Variants in CLEC16A observed in about 807,000 individuals in gnomAD.
CLEC16A encodes protein CLEC16A.
Under a neutral mutation model 109.5 loss-of-function variants are expected in CLEC16A, and 51 were observed. The observed-to-expected ratio is 0.47, with a 90% CI of 0.37 to 0.59. The LOEUF is 0.59. CLEC16A is among the 20% of genes least tolerant of loss of function. CLEC16A has a pLI of 0.00. For missense variants in CLEC16A, 1,339 were observed against 1,394.0 expected (o/e 0.96, Z 0.63); for synonymous variants, 673 against 564.2 (o/e 1.19, Z -2.73).
At position 11,047,346 on chromosome 16, in the gene CLEC16A, A is replaced by C; in HGVS notation, c.1866+4A>C. 6.2e-7 allele frequency: 1 copy of C among 1,606,334 alleles called. No homozygotes were observed. The highest frequency in any genetic ancestry group is 8.5e-7 in the Non-Finnish European group (1 of 1,176,544). ...AGATGAGTATAGGAGCATGACAGTA[A>C]GTGAGGGGCTGGGACACACTTGGGC... is the stretch of plus-strand genomic sequence containing the variant. On this transcript the variant is annotated splice_donor_region_variant and intron_variant, in intron 17 of 23. Coordinates refer to ENST00000409790, the MANE Select transcript of CLEC16A (RefSeq NM_015226.3).
At chr16:10,986,403 T>C (rs935419819) in intron 10 of CLEC16A, among the ~76,000 whole-genome samples, 1 of 152,184 alleles carries the variant, frequency 6.6e-6, no homozygotes, top group Non-Finnish European at 1.5e-5. Context: ...TTAACATTAT[T>C]GTTGAGTGTA....
intron 23 of CLEC16A, among the ~76,000 whole-genome samples, chr16:11,167,039 G>A (rs989653998): frequency 6.6e-6 from 1 of 152,168 alleles, no homozygotes; most frequent in Non-Finnish European, 1.5e-5. Context: ...ATGTGATGAA[G>A]TCGTATCTTG....
intron 14 of CLEC16A, chr16:11,041,158 CTA>C (rs1486348894): frequency 6.6e-6 from 1 of 152,262 alleles, no homozygotes; most frequent in Non-Finnish European, 1.5e-5. Context: ...CACTACCCAG[CTA>C]TGAGACCTAG....
intron 18 of CLEC16A, chr16:11,056,733 A>C (rs1567255824): frequency 6.6e-6 from 1 of 152,220 alleles, no homozygotes; most frequent in Non-Finnish European, 1.5e-5. Context: ...ATAACATCTC[A>C]TGCAGTTTCA....
chr16:11,099,704 C>G (rs975614772), intron 19 of CLEC16A, among the ~76,000 whole-genome samples: 1 of 152,224 alleles, frequency 6.6e-6, no homozygotes, highest in African/African-American at 2.4e-5. Flanking sequence ...TCGTCTGGAA[C>G]TGAAAGCCCA....
chr16:10,972,320 G>C (rs1233111340), intron 5 of CLEC16A, among the ~76,000 whole-genome samples: 1 of 152,220 alleles, frequency 6.6e-6, no homozygotes, highest in Non-Finnish European at 1.5e-5. Context: ...CTGGCAACTA[G>C]CCAACGTGGC....
At chr16:10,987,743 G>A (rs908229777) in intron 10 of CLEC16A, among the ~76,000 whole-genome samples, 9 of 152,202 alleles carry the variant, frequency 5.9e-5, no homozygotes, top group Non-Finnish European at 1.2e-4. Flanking sequence ...TTCCCTATGA[G>A]CGAGAACAGA....
At position 11,096,276 on chromosome 16, in the gene CLEC16A, T is replaced by C. The variant is rs575264662; in HGVS notation, c.2117-24339T>C. Reference sequence around the variant, plus strand: ...GGGAGGATCATTTGAGTCCGGGAAGTCAAGCCTATAGTGAGCTGTGATGGC... The same window carrying C: ...GGGAGGATCATTTGAGTCCGGGAAGCCAAGCCTATAGTGAGCTGTGATGGC... On this transcript the variant is annotated intron_variant, in intron 19 of 23. Coordinates refer to ENST00000409790, the MANE Select transcript of CLEC16A (RefSeq NM_015226.3). Among the ~76,000 whole-genome samples, 11 of 152,052 alleles carry C rather than the reference T, an allele frequency of 7.2e-5. No individual in the cohort carries two copies. The South Asian group carries it at 2.3e-3, about 32-fold the overall frequency.
At chr16:11,014,210 A>G (rs1055260006) in intron 11 of CLEC16A, among the ~76,000 whole-genome samples, 3 of 152,100 alleles carry the variant, frequency 2.0e-5, no homozygotes, top group African/African-American at 7.2e-5. Flanking sequence ...CCTTTCTTAC[A>G]TACAGGGTAG....
intron 19 of CLEC16A, among the ~76,000 whole-genome samples, chr16:11,075,943 G>C (rs2049347962): frequency 6.6e-6 from 1 of 152,176 alleles, no homozygotes; most frequent in Non-Finnish European, 1.5e-5. Context: ...TAGTTATTCA[G>C]CCAAACCTTG....
intron 22 of CLEC16A, 140 bp downstream of exon 22, chr16:11,126,286 G>C: frequency 6.5e-7 from 1 of 1,548,414 alleles, no homozygotes. Context: ...CTTAGAATTT[G>C]TCAAAGCACA....
chr16:10,980,420 A>C (rs981774784), intron 9 of CLEC16A, among the ~76,000 whole-genome samples: 2 of 151,868 alleles, frequency 1.3e-5, no homozygotes, highest in African/African-American at 2.4e-5. Flanking sequence ...GTCTGCCGGC[A>C]TCTCCTGCTT....
intron 10 of CLEC16A, among the ~76,000 whole-genome samples, chr16:11,001,632 C>G (rs910371289): frequency 6.6e-6 from 1 of 152,130 alleles, no homozygotes; most frequent in African/African-American, 2.4e-5. Context: ...CTGAGATATA[C>G]TAATATGAAG....
At chr16:11,100,177 T>C (rs977293401) in intron 19 of CLEC16A, among the ~76,000 whole-genome samples, 3 of 152,008 alleles carry the variant, frequency 2.0e-5, no homozygotes, top group African/African-American at 7.3e-5. Context: ...GGTGCAGGAG[T>C]TTCAGAGCCA....
At chr16:10,964,960 A>G (rs891831942) in intron 3 of CLEC16A, among the ~76,000 whole-genome samples, 5 of 152,280 alleles carry the variant, frequency 3.3e-5, no homozygotes, top group African/African-American at 1.2e-4. Flanking sequence ...CAGTAGGATG[A>G]CCTGTAGTCA....
At chr16:11,041,996 C>T in intron 14 of CLEC16A, 1 of 450,058 alleles carries the variant, frequency 2.2e-6, no homozygotes, top group Non-Finnish European at 4.0e-6. Flanking sequence ...TAGTCACCCT[C>T]TTTTTCCTGC....
intron 12 of CLEC16A, 163 bp from the exon 13 acceptor site, chr16:11,024,658 C>T (rs1037547527): frequency 1.4e-5 from 8 of 566,994 alleles, no homozygotes; most frequent in Admixed American, 5.7e-5. Flanking sequence ...CAGAGCCTGT[C>T]TCTCATTTGT....
intron 10 of CLEC16A, among the ~76,000 whole-genome samples, chr16:10,986,651 TG>T (rs1425315963): frequency 6.6e-6 from 1 of 152,148 alleles, no homozygotes; most frequent in Non-Finnish European, 1.5e-5. Flanking sequence ...TCTTTGTCAC[TG>T]GCTCATTTCA....
At position 11,012,594 on chromosome 16, in the gene CLEC16A, C is replaced by CAAAAA. The variant is rs551902895; in HGVS notation, c.1304-7576_1304-7572dup. ...TGGGCGATAGAGTGAGACTCCGTCT[C>CAAAAA]AAAAAAAAAAAAAAAAAAAAAAAAA... is the stretch of plus-strand genomic sequence containing the variant. On this transcript the variant is annotated intron_variant, in intron 11 of 23. Coordinates refer to ENST00000409790, the MANE Select transcript of CLEC16A (RefSeq NM_015226.3). Among the ~76,000 whole-genome samples the CAAAAA allele has an allele frequency of 3.3e-3, 225 of 67,898 alleles. 5 individuals carry two copies. The highest frequency in any genetic ancestry group is 9.1e-3 in the African/African-American group (203 of 22,296). The allele number at this position is 67,898 out of a possible 152,430, so 44.5% of individuals were successfully genotyped here. A position where few individuals can be genotyped will look rare whatever the true frequency, so the allele number is the denominator to read the frequency against.
Sources: gnomAD v4.1 joint callset for allele counts (sites outside exome capture counted in the v4.1 genomes callset) on GRCh38, gnomAD v4.1.1 for gene constraint, MANE v1.5 for transcripts, NCBI Gene and HGNC (gene_info 2026-07-23, HGNC 2026-07-21) for gene names.